The following CAPN13 variants were observed in gnomAD, a reference collection of about 807,000 sequenced individuals.
The protein encoded by CAPN13 is calpain 13.
In CAPN13, 90 loss-of-function variants were observed where a neutral mutation model predicts 98.4. That is an observed-to-expected ratio of 0.92 (90% CI 0.77 to 1.09). The LOEUF (loss-of-function observed/expected upper bound fraction) is 1.09, where lower values mean the gene tolerates loss of function less well. Among genes scored for constraint, CAPN13 ranks in the 50% least tolerant of loss-of-function variants. The probability of loss-of-function intolerance (pLI) is 0.00; values close to 1 mark genes in which losing one functional copy is unlikely to be tolerated. For synonymous variants in CAPN13, 330 were observed against 305.5 expected (o/e 1.08, Z -0.84); for missense variants, 887 against 841.3 (o/e 1.05, Z -0.67).
Position 30,753,121 on chromosome 2 carries a change from C to T in CAPN13, c.1019G>A (p.Gly340Glu). 1 of 1,614,004 alleles carries T rather than the reference C, an allele frequency of 6.2e-7. No individual in the cohort carries two copies. The highest frequency in any genetic ancestry group is 1.1e-5 in the South Asian group (1 of 91,082). Reference sequence around the variant, plus strand: ...GGACCATCCTTCGTGGAGTGTGTTTCCATGGTCCAGGGTAATTGGAATTTC... The same window carrying T: ...GGACCATCCTTCGTGGAGTGTGTTTTCATGGTCCAGGGTAATTGGAATTTC... ...CSEIPITLDHGNTLHEGWSQI... is the reference protein window; with the variant it reads ...CSEIPITLDHENTLHEGWSQI... Residue 340 changes from glycine to glutamate, a missense_variant, in exon 10 of 23, where the codon GGA (glycine) becomes GAA (glutamate). Gly to Glu is a moderately conservative substitution (Grantham distance 98). Coordinates refer to ENST00000295055, the MANE Select transcript of CAPN13 (RefSeq NM_144575.3).
At chr2:30,760,387 G>A (rs574295585) in intron 7 of CAPN13, among the ~76,000 whole-genome samples, 1 of 152,302 alleles carries the variant, frequency 6.6e-6, no homozygotes, top group Non-Finnish European at 1.5e-5. Context: ...GTCCCAAACA[G>A]CTTAATGAGC....
chr2:30,743,113 C>G (rs143150646), intron 13 of CAPN13: 18 of 478,620 alleles, frequency 3.8e-5, no homozygotes, highest in Admixed American at 3.7e-4. Flanking sequence ...CCTCAAGAAG[C>G]CTTCCTCAGT....
intron 19 of CAPN13, among the ~76,000 whole-genome samples, chr2:30,733,185 A>C (rs530017730): frequency 2.1e-4 from 32 of 152,254 alleles, no homozygotes; most frequent in African/African-American, 7.0e-4. Flanking sequence ...TGCAAGACTT[A>C]AGAGAGCAAG....
intron 6 of CAPN13, among the ~76,000 whole-genome samples, chr2:30,763,923 G>A (rs1401995543): frequency 1.3e-5 from 2 of 152,316 alleles, no homozygotes; most frequent in African/African-American, 4.8e-5. Flanking sequence ...CTCTGAGCCC[G>A]CCTTTTCTTC....
In CAPN13 at chr2:30,736,507, T is replaced by C; in HGVS notation, c.1718A>G (p.Tyr573Cys). The C allele has an allele frequency of 1.9e-6, 3 of 1,613,942 alleles. No individual in the cohort carries two copies. Among genetic ancestry groups the C allele is most frequent in the South Asian group, 1.1e-5 (1 of 91,080 alleles). ...TCACAGAGAATGTGCCCGTACCTGG[T>C]AGTGAACAAGGCGCTTCCACAGTCG... ...FARLWKRLVH[Y>C]QHVFQKVQTS... The change falls in exon 18 of 23, where the codon TAC (tyrosine) becomes TGC (cysteine). Residue 573 changes from tyrosine (Y) to cysteine (C), a missense_variant. By Grantham distance (194) the Tyr-to-Cys change is radical. Coordinates refer to ENST00000295055, the MANE Select transcript of CAPN13 (RefSeq NM_144575.3).
chr2:30,783,823 A>C (rs1226268460), intron 2 of CAPN13, among the ~76,000 whole-genome samples: 1 of 152,156 alleles, frequency 6.6e-6, no homozygotes, highest in African/African-American at 2.4e-5. Context: ...CACTGGTCAG[A>C]CCTCTGGACA....
Position 30,753,100 on chromosome 2 carries a change from C to G in CAPN13, c.1040G>C (p.Trp347Ser). The G allele has an allele frequency of 6.2e-7, 1 of 1,613,984 alleles. No homozygotes were observed. Among genetic ancestry groups the G allele is most frequent in the Non-Finnish European group, 8.5e-7 (1 of 1,179,858 alleles). The change falls in exon 10 of 23, where the codon TGG becomes TCG. Residue 347 changes from tryptophan (W) to serine (S), a missense_variant. Trp to Ser is a radical substitution (Grantham distance 177, BLOSUM62 -3). Transcript: ENST00000295055. The stretch of plus-strand genomic sequence containing the variant: ...TTGCTTCCTAAACATTATTTGGGAC[C>G]ATCCTTCGTGGAGTGTGTTTCCATG... ...LDHGNTLHEGWSQIMFRKQVI... is the reference protein window; with the variant it reads ...LDHGNTLHEGSSQIMFRKQVI...
intron 21 of CAPN13, 130 bp from the exon 22 acceptor site, chr2:30,730,916 C>A (rs1671049543): frequency 1.4e-6 from 1 of 710,400 alleles, no homozygotes. Context: ...CTAATTCCAA[C>A]CCAAGCAGGG....
chr2:30,763,566 T>A (rs1672953826), intron 6 of CAPN13, among the ~76,000 whole-genome samples: 1 of 152,218 alleles, frequency 6.6e-6, no homozygotes, highest in African/African-American at 2.4e-5. Context: ...TAGCAATGTG[T>A]GACTCAAAGC....
chr2:30,775,199 T>C (rs1673620732), intron 4 of CAPN13, among the ~76,000 whole-genome samples: 1 of 152,182 alleles, frequency 6.6e-6, no homozygotes, highest in Non-Finnish European at 1.5e-5. Flanking sequence ...TAGTAGCTTT[T>C]CTCTTTTTTA....
At position 30,753,068 on chromosome 2, in the gene CAPN13, G is replaced by A. The variant is rs1672259231; in HGVS notation, c.1072C>T (p.Leu358=). ...TCATGATTACCTGCAGTGTTTCCTA[G>A]AATCACTTGCTTCCTAAACATTATT... The part of the protein sequence containing the change: ...SQIMFRKQVI[L]GNTAGGPRND... The change falls in exon 10 of 23, where the codon CTA becomes TTA. Residue 358 remains leucine (L), a synonymous_variant. Transcript: ENST00000295055. 2 of 1,613,956 alleles carry A rather than the reference G, an allele frequency of 1.2e-6. No individual in the cohort carries two copies. Among genetic ancestry groups the A allele is most frequent in the African/African-American group, 2.7e-5 (2 of 75,056 alleles).
intron 20 of CAPN13, among the ~76,000 whole-genome samples, chr2:30,732,042 T>G (rs888661474): frequency 6.6e-6 from 1 of 152,164 alleles, no homozygotes; most frequent in Admixed American, 6.5e-5. Context: ...CAGTTGGATT[T>G]CTGAAGCCTG....
rs773137047 is a variant in CAPN13 at position 30,743,373 on chromosome 2, G to A, written c.1445+10C>T. 135 of 1,606,710 alleles carry A rather than the reference G, an allele frequency of 8.4e-5. No individual in the cohort carries two copies. The highest frequency in any genetic ancestry group is 1.1e-4 in the Non-Finnish European group (127 of 1,173,448). On this transcript the variant is annotated intron_variant, in intron 13 of 22. Coordinates refer to ENST00000295055, the MANE Select transcript of CAPN13 (RefSeq NM_144575.3). ...GAATAAAACATTTACAATCCCAGAGGGTTCTGTACCTGTCACTGTCTGGCA... is the reference window on the plus strand; with the variant it reads ...GAATAAAACATTTACAATCCCAGAGAGTTCTGTACCTGTCACTGTCTGGCA...
At chr2:30,791,292 T>C (rs772541948) in intron 1 of CAPN13, among the ~76,000 whole-genome samples, 52 of 152,342 alleles carry the variant, frequency 3.4e-4, no homozygotes, top group Admixed American at 9.8e-4. Context: ...ATGGGAGATA[T>C]GTCTTAGATA....
At chr2:30,725,119 AGG>A (rs375604736) in intron 22 of CAPN13, among the ~76,000 whole-genome samples, 5,889 of 152,308 alleles carry the variant, frequency 0.039, 202 homozygotes, top group East Asian at 0.14. Flanking sequence ...AACTCTCAGC[AGG>A]GTGTGATTTG....
intron 22 of CAPN13, 92 bp downstream of exon 22, chr2:30,730,638 C>G (rs1190344591): frequency 1.4e-6 from 1 of 698,412 alleles, no homozygotes; most frequent in Admixed American, 2.2e-5. Flanking sequence ...TGGGGAGGCT[C>G]TCCCAAGGAG....
chr2:30,786,066 G>A (rs1043387388), intron 2 of CAPN13, among the ~76,000 whole-genome samples: 3 of 152,150 alleles, frequency 2.0e-5, no homozygotes, highest in Non-Finnish European at 4.4e-5. Flanking sequence ...GATGTCTTCA[G>A]TTCTCCTTCC....
chr2:30,765,408 G>A (rs771019807), intron 5 of CAPN13, among the ~76,000 whole-genome samples: 19 of 152,320 alleles, frequency 1.2e-4, no homozygotes, highest in Middle Eastern at 3.4e-3. Flanking sequence ...TCCTGTCCCC[G>A]GTGAGCAGGC....
chr2:30,745,165 C>T (rs867525683), intron 12 of CAPN13: 1 of 471,564 alleles, frequency 2.1e-6, no homozygotes, highest in Non-Finnish European at 4.4e-6. Context: ...AGAGGTGGGT[C>T]TGAGTGCCTG....
Sources: gnomAD v4.1 joint callset for allele counts (sites outside exome capture counted in the v4.1 genomes callset) on GRCh38, gnomAD v4.1.1 for gene constraint, MANE v1.5 for transcripts, NCBI Gene and HGNC (gene_info 2026-07-23, HGNC 2026-07-21) for gene names.